The following ART3 variants were observed in gnomAD, a reference collection of about 807,000 sequenced individuals.
ART3 encodes ADP-ribosyltransferase 3 (inactive).
Under a neutral mutation model 48.5 loss-of-function variants are expected in ART3, and 49 were observed. The observed-to-expected ratio is 1.01, with a 90% CI of 0.80 to 1.28. ART3 has a LOEUF of 1.28. Among genes scored for constraint, ART3 ranks in the 50% most tolerant of loss-of-function variants. The pLI is 0.00. For synonymous variants in ART3, 145 were observed against 157.2 expected (o/e 0.92, Z 0.58); for missense variants, 438 against 454.3 (o/e 0.96, Z 0.33).
chr4:76,040,433 T>C (rs992203414), intron 1 of ART3, among the ~76,000 whole-genome samples: 1 of 92,684 alleles, frequency 1.1e-5, no homozygotes, highest in Admixed American at 1.3e-4. Flanking sequence ...GCACATACAC[T>C]GGATACACAC....
intron 1 of ART3, chr4:76,075,240 G>T (rs1489898902): frequency 6.6e-6 from 1 of 152,196 alleles, no homozygotes; most frequent in Admixed American, 6.5e-5. Flanking sequence ...TGCCTACCCA[G>T]TTCCTTCTTA....
At chr4:76,111,133 T>C (rs1729395460) in intron 11 of ART3, among the ~76,000 whole-genome samples, 1 of 152,312 alleles carries the variant, frequency 6.6e-6, no homozygotes, top group South Asian at 2.1e-4. Flanking sequence ...ATGTTTCGAG[T>C]ATCCTCTTAA....
At chr4:76,080,807 C>A (rs1198340831) in intron 2 of ART3, among the ~76,000 whole-genome samples, 2 of 152,114 alleles carry the variant, frequency 1.3e-5, no homozygotes, top group Non-Finnish European at 1.5e-5. Context: ...CTGCACCTGG[C>A]CTTTTATCCT....
At chr4:76,054,454 G>A (rs1051870659) in intron 1 of ART3, among the ~76,000 whole-genome samples, 4 of 152,084 alleles carry the variant, frequency 2.6e-5, no homozygotes, top group Non-Finnish European at 5.9e-5. Context: ...CAGGAAAGAT[G>A]TTTTTTGTTC....
intron 1 of ART3, among the ~76,000 whole-genome samples, chr4:76,043,887 G>A (rs892969229): frequency 6.6e-6 from 1 of 151,978 alleles, no homozygotes; most frequent in Non-Finnish European, 1.5e-5. Context: ...ACTGCTGTTG[G>A]GAATTTGGCC....
At chr4:76,022,490 C>T (rs749860619) in intron 1 of ART3, 2 of 1,589,396 alleles carry the variant, frequency 1.3e-6, no homozygotes, top group Non-Finnish European at 1.7e-6. Context: ...ATATTTAAAA[C>T]TGTGTTGGGT....
chr4:76,075,987 C>G (rs1275862202), intron 2 of ART3, 29 bp downstream of exon 2: 1 of 1,262,964 alleles, frequency 7.9e-7, no homozygotes, highest in Non-Finnish European at 1.1e-6. Flanking sequence ...AGCATGTGGT[C>G]ATTGGAATGG....
At chr4:76,109,014 T>G (rs1237903965) in intron 11 of ART3, among the ~76,000 whole-genome samples, 1 of 152,170 alleles carries the variant, frequency 6.6e-6, no homozygotes, top group Non-Finnish European at 1.5e-5. Flanking sequence ...CCTGGGACAC[T>G]ACTGTACACT....
chr4:76,075,691 G>A (rs1720886805), intron 1 of ART3, among the ~76,000 whole-genome samples, 190 bp from the exon 2 acceptor site: 1 of 152,140 alleles, frequency 6.6e-6, no homozygotes, highest in South Asian at 2.1e-4. Flanking sequence ...TCTGTAGAAT[G>A]AGAGCATTAG....
At chr4:76,090,341 T>C (rs1336378937) in intron 3 of ART3, among the ~76,000 whole-genome samples, 1 of 152,202 alleles carries the variant, frequency 6.6e-6, no homozygotes, top group Non-Finnish European at 1.5e-5. Context: ...AATCATGACT[T>C]TTCTTTCGAT....
intron 2 of ART3, among the ~76,000 whole-genome samples, chr4:76,080,394 G>T (rs1297439100): frequency 6.6e-6 from 1 of 152,166 alleles, no homozygotes. Flanking sequence ...GCATGTTAAA[G>T]ACTTGATATG....
intron 1 of ART3, among the ~76,000 whole-genome samples, chr4:76,046,460 C>T (rs148247958): frequency 5.3e-4 from 81 of 152,166 alleles, no homozygotes; most frequent in East Asian, 2.1e-3. Flanking sequence ...GGGACTGCTG[C>T]ATTTCCTCAC....
chr4:76,070,526 C>G (rs1455401830), upstream of ART3, among the ~76,000 whole-genome samples: 2 of 152,164 alleles, frequency 1.3e-5, no homozygotes, highest in African/African-American at 4.8e-5. Flanking sequence ...ATAAAATAAT[C>G]ATTTTATCCT....
chr4:76,022,305 C>T, intron 1 of ART3: 1 of 1,369,572 alleles, frequency 7.3e-7, no homozygotes, highest in East Asian at 2.3e-5. Flanking sequence ...GCAAGTATTT[C>T]TGACTCCCAA....
chr4:76,112,636 G>A lies in ART3; in HGVS notation c.*117G>A. 8.3e-7 allele frequency: 1 copy of A among 1,210,918 alleles called. No homozygotes were observed. The highest frequency in any genetic ancestry group is 1.1e-6 in the Non-Finnish European group (1 of 897,056). The allele number at this position is 1,210,918 out of a possible 1,614,324, so 75.0% of individuals were successfully genotyped here. A position where few individuals can be genotyped will look rare whatever the true frequency, so the allele number is the denominator to read the frequency against. On this transcript the variant is annotated 3_prime_UTR_variant, in exon 12 of 12. Transcript: ENST00000355810. ...TGGCCAAAGTCACTGGATAAAATGA[G>A]AATTGTATATTTGTTATTCATTTTG...
At chr4:76,044,635 CT>C (rs1276367325) in intron 1 of ART3, among the ~76,000 whole-genome samples, 2 of 151,520 alleles carry the variant, frequency 1.3e-5, no homozygotes, top group African/African-American at 4.8e-5. Context: ...CTCTCTTTGA[CT>C]TTCTGTGTCT....
At chr4:76,105,864 A>C in intron 10 of ART3, 1 of 985,408 alleles carries the variant, frequency 1.0e-6, no homozygotes, top group Non-Finnish European at 1.2e-6. Flanking sequence ...ATCTGTAGAC[A>C]TAGAAATAGC....
intron 10 of ART3, chr4:76,105,882 A>C: frequency 2.0e-6 from 2 of 985,420 alleles, no homozygotes; most frequent in Non-Finnish European, 2.4e-6. Flanking sequence ...AGCATCATCC[A>C]AGAACTGTGA....
chr4:76,074,242 G>GT (rs925615996), upstream of ART3, among the ~76,000 whole-genome samples: 3 of 152,220 alleles, frequency 2.0e-5, no homozygotes, highest in East Asian at 1.9e-4. Flanking sequence ...GCGTATTCAT[G>GT]TTTTTTATTA....
Sources: gnomAD v4.1 joint callset for allele counts (sites outside exome capture counted in the v4.1 genomes callset) on GRCh38, gnomAD v4.1.1 for gene constraint, MANE v1.5 for transcripts, NCBI Gene and HGNC (gene_info 2026-07-23, HGNC 2026-07-21) for gene names.